MCM10: variants seen among roughly 807,000 people sequenced by gnomAD.
MCM10 encodes minichromosome maintenance 10 replication initiation factor.
Under a neutral mutation model 109.9 loss-of-function variants are expected in MCM10, and 91 were observed. That is an observed-to-expected ratio of 0.83 (90% CI 0.70 to 0.99). The LOEUF is 0.99. Ranked by LOEUF, MCM10 falls within the 50% of genes least tolerant of loss-of-function variation. MCM10 has a pLI of 0.00. For missense variants in MCM10, 1,077 were observed against 1,061.2 expected (o/e 1.01, Z -0.21); for synonymous variants, 380 against 387.2 (o/e 0.98, Z 0.22).
At chr10:13,207,009 CACTA>C (rs1321192106) in intron 18 of MCM10, among the ~76,000 whole-genome samples, 3 of 152,102 alleles carry the variant, frequency 2.0e-5, no homozygotes, top group Non-Finnish European at 4.4e-5. Context: ...GACAAGGTCT[CACTA>C]TGTTGTCCAG....
chr10:13,193,880 G>A (rs1834381491), intron 13 of MCM10, among the ~76,000 whole-genome samples: 1 of 152,156 alleles, frequency 6.6e-6, no homozygotes, highest in African/African-American at 2.4e-5. Flanking sequence ...GATTTGATAG[G>A]CAGTTTGCAA....
intron 18 of MCM10, among the ~76,000 whole-genome samples, chr10:13,206,673 A>G (rs1834585456): frequency 6.6e-6 from 1 of 152,246 alleles, no homozygotes; most frequent in Non-Finnish European, 1.5e-5. Flanking sequence ...GGAAAACGTT[A>G]GAAAAATTAA....
rs1329258483 is a variant in MCM10 at position 13,210,654 on chromosome 10, G to T, written c.*1344G>T. The T allele has an allele frequency of 2.0e-5, 3 of 152,164 alleles. No individual in the cohort carries two copies. Among genetic ancestry groups the T allele is most frequent in the Non-Finnish European group, 4.4e-5 (3 of 68,034 alleles). 9.4% of individuals were successfully genotyped at this position (152,164 alleles called of 1,614,324 possible). ...AAATTCTGCTCTAATTGGGTGGAAG[G>T]TGCTGTATCTAACTTGTGTTCCTCC... On this transcript the variant is annotated 3_prime_UTR_variant, in exon 20 of 20. Transcript: ENST00000378714.
In MCM10 at chr10:13,182,908, TA is replaced by T. The variant is rs1210341368; in HGVS notation, c.931-24del. On this transcript the variant is annotated intron_variant, in intron 7 of 19. Coordinates refer to ENST00000378714, the MANE Select transcript of MCM10 (RefSeq NM_018518.5). The surrounding 1 kb of genome is among the most constrained non-coding windows in gnomAD (Gnocchi z 4.2). ...GACGGCATAACCTACAGTTCAAAATTATAAAAAATAACTATTTGTTCCAGGG... is the reference window on the plus strand; with the variant it reads ...GACGGCATAACCTACAGTTCAAAATTTAAAAAATAACTATTTGTTCCAGGG... 3 of 1,595,504 alleles carry T rather than the reference TA, an allele frequency of 1.9e-6. No homozygotes were observed. The Admixed American group carries it at 5.2e-5, about 27-fold the overall frequency.
At chr10:13,170,135 C>A (rs970174751) in intron 2 of MCM10, among the ~76,000 whole-genome samples, 8 of 152,048 alleles carry the variant, frequency 5.3e-5, no homozygotes, top group African/African-American at 1.9e-4. Flanking sequence ...ACTATGACTG[C>A]CTATATATTT....
chr10:13,204,647 A>G (rs535354106), intron 18 of MCM10: 18 of 302,174 alleles, frequency 6.0e-5, no homozygotes, highest in African/African-American at 3.0e-4. Context: ...GGTGGTAAAC[A>G]TGTGTGTGTT....
rs959267489 is a variant in MCM10, at chr10:13,192,552, G to A, written c.1729G>A (p.Glu577Lys). 6.2e-7 allele frequency: 1 copy of A among 1,614,168 alleles called. No individual in the cohort carries two copies. Among genetic ancestry groups the A allele is most frequent in the African/African-American group, 1.3e-5 (1 of 75,058 alleles). Residue 577 changes from glutamate to lysine, a missense_variant, in exon 13 of 20, where the codon GAA becomes AAA. Coordinates refer to ENST00000378714, the MANE Select transcript of MCM10 (RefSeq NM_018518.5). ...RMLEMRRRKS[E>K]EIQKRFLQSS... is the part of the protein sequence containing the mutation. ...GTTGGAGATGAGGAGAAGGAAATCA[G>A]AAGAAATACAGAAGCGGTAAGAGGA...
At chr10:13,209,170 G>A (rs376188490) in intron 19 of MCM10, 37 bp downstream of exon 19, 7 of 1,605,322 alleles carry the variant, frequency 4.4e-6, no homozygotes, top group Middle Eastern at 1.6e-4. Flanking sequence ...ACTCCTTTTA[G>A]TGACCCATGC....
At chr10:13,162,071 A>G (rs907811537) in intron 1 of MCM10, among the ~76,000 whole-genome samples, 2 of 152,216 alleles carry the variant, frequency 1.3e-5, no homozygotes, top group Non-Finnish European at 2.9e-5. Flanking sequence ...AGGGTGGTCC[A>G]GAAAGTCTCA....
intron 2 of MCM10, among the ~76,000 whole-genome samples, chr10:13,165,360 C>G (rs577261172): frequency 1.8e-4 from 27 of 152,296 alleles, no homozygotes; most frequent in Middle Eastern, 3.4e-3. Context: ...AAAATAAACC[C>G]TCAGATAAGG....
At chr10:13,168,423 A>G (rs1398082089) in intron 2 of MCM10, among the ~76,000 whole-genome samples, 2 of 152,202 alleles carry the variant, frequency 1.3e-5, no homozygotes, top group Non-Finnish European at 2.9e-5. Context: ...TTGCTGATCT[A>G]GAGATTCCTT....
Position 13,171,259 on chromosome 10 carries a change from G to A in MCM10, c.345G>A (p.Leu115=). 6.2e-7 allele frequency: 1 copy of A among 1,606,364 alleles called. No homozygotes were observed. Among genetic ancestry groups the A allele is most frequent in the Non-Finnish European group, 8.5e-7 (1 of 1,176,080 alleles). ...GGCGAGAGAAAACGAATGAAGAGTT[G>A]CAAGGTGCCCTAACTACTTGCCTTC... is the stretch of plus-strand genomic sequence containing the variant. The part of the protein sequence containing the change: ...APRREKTNEE[L]QEELRNLQEQ... Residue 115 remains leucine, a synonymous_variant, in exon 3 of 20, where the codon TTG becomes TTA. Transcript: ENST00000378714.
intron 6 of MCM10, among the ~76,000 whole-genome samples, chr10:13,177,748 A>G (rs916556290): frequency 6.6e-6 from 1 of 151,676 alleles, no homozygotes; most frequent in African/African-American, 2.4e-5. Context: ...ATGCGCCTCT[A>G]GTTCCAGCTG....
chr10:13,198,841 G>A (rs1834458787), intron 16 of MCM10, 34 bp downstream of exon 16: 2 of 1,379,396 alleles, frequency 1.4e-6, no homozygotes, highest in South Asian at 1.2e-5. Context: ...TGGTGTTGAT[G>A]TCCGATGTCC....
chr10:13,204,434 C>G (rs1834542626), intron 18 of MCM10, 70 bp downstream of exon 18: 3 of 1,574,452 alleles, frequency 1.9e-6, no homozygotes, highest in Non-Finnish European at 2.6e-6. Flanking sequence ...GTCTGTGATT[C>G]TGTTCCCTTG....
chr10:13,203,780 T>C (rs778154609), intron 17 of MCM10, among the ~76,000 whole-genome samples: 5 of 150,328 alleles, frequency 3.3e-5, no homozygotes, highest in Non-Finnish European at 6.0e-5. Context: ...CTATATCCTT[T>C]TTATAGATCA....
At chr10:13,174,041 A>C (rs1339033559) in intron 5 of MCM10, among the ~76,000 whole-genome samples, 1 of 152,156 alleles carries the variant, frequency 6.6e-6, no homozygotes, top group Non-Finnish European at 1.5e-5. Context: ...AATAGTAAAT[A>C]GAATACCAGA....
At chr10:13,195,968 A>T (rs532790175) in intron 14 of MCM10, among the ~76,000 whole-genome samples, 21 of 152,074 alleles carry the variant, frequency 1.4e-4, no homozygotes, top group African/African-American at 5.1e-4. Context: ...CAGTGGTGCA[A>T]TTATGGTTCA....
At chr10:13,179,641 G>A (rs936890873) in intron 6 of MCM10, among the ~76,000 whole-genome samples, 1 of 152,058 alleles carries the variant, frequency 6.6e-6, no homozygotes, top group South Asian at 2.1e-4. Flanking sequence ...ATAACCCTAA[G>A]AGTTTTTTGA....
Sources: gnomAD v4.1 joint callset for allele counts (sites outside exome capture counted in the v4.1 genomes callset) on GRCh38, gnomAD v4.1.1 for gene constraint, Gnocchi (gnomAD v3.1) non-coding constraint, MANE v1.5 for transcripts, NCBI Gene and HGNC (gene_info 2026-07-23, HGNC 2026-07-21) for gene names.